Variants in VPS13C observed in about 807,000 individuals in gnomAD.
VPS13C encodes vacuolar protein sorting 13 homolog C.
In VPS13C, 358 loss-of-function variants were observed where a neutral mutation model predicts 456.8. The ratio of observed to expected loss-of-function variants is 0.78; its 90% CI spans 0.72 to 0.86. The LOEUF (loss-of-function observed/expected upper bound fraction) is 0.86, where lower values mean the gene tolerates loss of function less well. VPS13C is among the 40% of genes least tolerant of loss of function. VPS13C has a pLI of 0.00. For missense variants in VPS13C, 4,818 were observed against 4,385.4 expected, an observed-to-expected ratio of 1.10 and a Z score of -2.79; for synonymous variants, 1,578 against 1,486.7, an observed-to-expected ratio of 1.06 and a Z score of -1.41.
At chr15:61,856,256 T>C (rs780013718) in intron 83 of VPS13C, 30 bp downstream of exon 83, 2 of 1,609,968 alleles carry the variant, frequency 1.2e-6, no homozygotes, top group South Asian at 2.2e-5. Context: ...AATGAACTCT[T>C]AGCTCTAAAG....
chr15:61,915,966 C>A lies in VPS13C; in HGVS notation c.8112G>T (p.Ser2704=). 1 of 1,613,156 alleles carries A rather than the reference C, an allele frequency of 6.2e-7. No homozygotes were observed. The highest frequency in any genetic ancestry group is 1.1e-5 in the South Asian group (1 of 91,034). ...ATTCCATTATTTCACCACTGATTCTCGAATGCAGAACATCAGCAGTACTGC... is the reference window on the plus strand; with the variant it reads ...ATTCCATTATTTCACCACTGATTCTAGAATGCAGAACATCAGCAGTACTGC... ...AEGSTADVLH[S]RISGEIMELV... is the part of the protein sequence containing the mutation. The change falls in exon 61 of 85, where the codon TCG becomes TCT. Residue 2704 remains serine, a synonymous_variant. Transcript: ENST00000644861.
At chr15:62,010,963 A>G (rs28408506) in intron 12 of VPS13C, among the ~76,000 whole-genome samples, 11,938 of 152,144 alleles carry the variant, frequency 0.078, 992 homozygotes, top group African/African-American at 0.21. Flanking sequence ...CTAATACAAA[A>G]AAGGAAATAA....
In VPS13C at chr15:61,867,630, T is replaced by G. The variant is rs1894686236; in HGVS notation, c.10863+1029A>C. The G allele has an allele frequency of 2.6e-6, 3 of 1,139,332 alleles. No individual in the cohort carries two copies. Among genetic ancestry groups the G allele is most frequent in the Non-Finnish European group, 3.2e-6 (3 of 929,032 alleles). 70.6% of individuals were successfully genotyped at this position (1,139,332 alleles called of 1,614,324 possible). On this transcript the variant is annotated intron_variant, in intron 81 of 84. Transcript: ENST00000644861. The surrounding 1 kb of genome is among the most constrained non-coding windows in gnomAD (Gnocchi z 5.0). ...TAAGATAAAATTTTCGAAATGATAG[T>G]AACAGTATCTGCTTCTGAGCTCAAT...
chr15:61,996,896 C>CACATAT (rs1491210762), intron 16 of VPS13C, among the ~76,000 whole-genome samples: 5 of 129,382 alleles, frequency 3.9e-5, no homozygotes, highest in African/African-American at 1.1e-4. Context: ...CACACACACA[C>CACATAT]ATATATATAT....
Position 62,037,336 on chromosome 15 carries a change from A to G in VPS13C, c.188-2284T>C, listed in dbSNP as rs1477758284. On this transcript the variant is annotated intron_variant, in intron 3 of 84. Transcript: ENST00000644861. ...AATATATTATATATTATATACATTT[A>G]TATATAATATATTATATATAAATGT... Among the ~76,000 whole-genome samples, 140 of 88,754 alleles carry G rather than the reference A, an allele frequency of 1.6e-3. 4 individuals are homozygous for G. The highest frequency in any genetic ancestry group is 5.7e-3 in the African/African-American group (123 of 21,628). 58.2% of individuals were successfully genotyped at this position (88,754 alleles called of 152,430 possible).
At chr15:62,004,462 A>C (rs981268107) in intron 15 of VPS13C, among the ~76,000 whole-genome samples, 2 of 150,802 alleles carry the variant, frequency 1.3e-5, no homozygotes, top group African/African-American at 4.9e-5. Context: ...TGATCCTTTC[A>C]AAAAACCAGC....
rs1315629022 is a variant in VPS13C at position 61,936,704 on chromosome 15, A to T, written c.5648T>A (p.Leu1883Gln). 6.2e-7 allele frequency: 1 copy of T among 1,613,614 alleles called. No individual in the cohort carries two copies. Among genetic ancestry groups the T allele is most frequent in the Non-Finnish European group, 8.5e-7 (1 of 1,179,768 alleles). Reference protein sequence around the residue: ...DDLTVLMKILLENLGEASSQP... With the variant: ...DDLTVLMKILQENLGEASSQP... ...TGAGGAAGCTTCTCCAAGATTTTCT[A>T]GCAAAATTTTCATTAAAACTGTCAA... The change falls in exon 48 of 85, where the codon CTA becomes CAA. Residue 1883 changes from leucine (L) to glutamine (Q), a missense_variant. Coordinates refer to ENST00000644861, the MANE Select transcript of VPS13C (RefSeq NM_020821.3).
intron 3 of VPS13C, among the ~76,000 whole-genome samples, chr15:62,035,960 G>A (rs2047984432): frequency 6.6e-6 from 1 of 151,886 alleles, no homozygotes; most frequent in Non-Finnish European, 1.5e-5. Flanking sequence ...TTTGAAATAG[G>A]CAAAATCTGT....
chr15:61,969,512 GA>G, intron 27 of VPS13C, 60 bp from the exon 28 acceptor site: 2 of 1,247,438 alleles, frequency 1.6e-6, no homozygotes, highest in South Asian at 2.0e-5. Context: ...TTAAAATAAT[GA>G]AAACAAAATC....
intron 47 of VPS13C, 74 bp downstream of exon 47, chr15:61,940,573 C>A (rs981609747): frequency 1.4e-6 from 2 of 1,445,178 alleles, no homozygotes; most frequent in Non-Finnish European, 1.9e-6. Flanking sequence ...ATTCTGATAT[C>A]CACTAGAACT....
At chr15:62,032,366 C>T (rs1388813923) in intron 5 of VPS13C, among the ~76,000 whole-genome samples, 2 of 151,652 alleles carry the variant, frequency 1.3e-5, no homozygotes, top group Non-Finnish European at 3.0e-5. Flanking sequence ...GATACTTAAG[C>T]TTCAGCAGGA....
chr15:61,904,964 G>A (rs2043112179), intron 66 of VPS13C, among the ~76,000 whole-genome samples: 1 of 151,948 alleles, frequency 6.6e-6, no homozygotes, highest in Admixed American at 6.6e-5. Flanking sequence ...AGTTGATGTT[G>A]GTTACCAAAG....
chr15:62,030,819 T>TA (rs1482309580), intron 5 of VPS13C, among the ~76,000 whole-genome samples: 1 of 152,066 alleles, frequency 6.6e-6, no homozygotes, highest in East Asian at 1.9e-4. Context: ...TTAACATCGC[T>TA]AAAAAATATT....
At chr15:61,934,415 T>G in intron 48 of VPS13C, 84 bp from the exon 49 acceptor site, 1 of 678,370 alleles carries the variant, frequency 1.5e-6, no homozygotes, top group Non-Finnish European at 2.3e-6. Flanking sequence ...TTATTCTAAA[T>G]TTATATGACG....
chr15:61,865,765 CGTGTGT>C, intron 81 of VPS13C: 3 of 682,212 alleles, frequency 4.4e-6, no homozygotes, highest in Non-Finnish European at 5.4e-6. Flanking sequence ...CATATATGTA[CGTGTGT>C]ATATATGTAT....
At chr15:62,034,930 G>A (rs773087530) in intron 4 of VPS13C, 27 bp downstream of exon 4, 1 of 1,455,142 alleles carries the variant, frequency 6.9e-7, no homozygotes, top group South Asian at 1.3e-5. Context: ...TGATGTTATT[G>A]AATGGTTATA....
intron 66 of VPS13C, among the ~76,000 whole-genome samples, chr15:61,894,961 T>A (rs536759941): frequency 6.6e-6 from 1 of 152,308 alleles, no homozygotes; most frequent in Non-Finnish European, 1.5e-5. Context: ...ACATGGCCCA[T>A]ATGGTAGGCC....
At chr15:61,983,184 C>A (rs929223305) in intron 20 of VPS13C, among the ~76,000 whole-genome samples, 1 of 152,104 alleles carries the variant, frequency 6.6e-6, no homozygotes, top group Non-Finnish European at 1.5e-5. Flanking sequence ...TGTCCCCCCA[C>A]CCACACACAC....
chr15:61,949,656 T>C (rs1433877492), intron 41 of VPS13C, 51 bp from the exon 42 acceptor site: 6 of 1,545,648 alleles, frequency 3.9e-6, no homozygotes, highest in Non-Finnish European at 3.5e-6. Flanking sequence ...GTAAAATCTT[T>C]ACATCAGGGT....
Sources: gnomAD v4.1 joint callset for allele counts (sites outside exome capture counted in the v4.1 genomes callset) on GRCh38, gnomAD v4.1.1 for gene constraint, Gnocchi (gnomAD v3.1) non-coding constraint, MANE v1.5 for transcripts, NCBI Gene and HGNC (gene_info 2026-07-23, HGNC 2026-07-21) for gene names.